The following TMEM268 variants were observed in gnomAD, a reference collection of about 807,000 sequenced individuals.
The protein encoded by TMEM268 is transmembrane protein 268, also known as transmembrane protein C9orf91.
A neutral mutation model predicts 39.1 loss-of-function variants in TMEM268; 24 were observed. The observed-to-expected ratio is 0.61, with a 90% CI of 0.44 to 0.86. TMEM268 has a LOEUF of 0.86. Ranked by LOEUF, TMEM268 falls within the 40% of genes least tolerant of loss-of-function variation. The pLI, the probability that TMEM268 is intolerant of heterozygous loss-of-function variation, is 0.00. For synonymous variants in TMEM268, 176 were observed against 173.5 expected (o/e 1.01, Z -0.12); for missense variants, 409 against 428.6 (o/e 0.95, Z 0.40).
At position 114,638,600 on chromosome 9, in the gene TMEM268, C is replaced by T; in HGVS notation, c.723C>T (p.Ser241=). ...GTGTTGTCATGGAGACTGGGGTGAG[C>T]CCTGCAACAGCGGAGGGGCCTGAGA... is the stretch of plus-strand genomic sequence containing the variant. The part of the protein sequence containing the change: ...QLCVVMETGV[S]PATAEGPENL... The change falls in exon 8 of 9, where the codon AGC becomes AGT. Residue 241 remains serine, a synonymous_variant. Coordinates refer to ENST00000288502, the MANE Select transcript of TMEM268 (RefSeq NM_153045.4). 1.2e-6 allele frequency: 2 copies of T among 1,608,514 alleles called. No individual in the cohort carries two copies. Among genetic ancestry groups the T allele is most frequent in the Admixed American group, 1.7e-5 (1 of 59,090 alleles).
chr9:114,611,056 TAA>T (rs1238004010), upstream of TMEM268: 2 of 152,376 alleles, frequency 1.3e-5, no homozygotes, highest in East Asian at 3.9e-4. Flanking sequence ...CCCCCGACTC[TAA>T]AAACAACGAC....
intron 8 of TMEM268, among the ~76,000 whole-genome samples, chr9:114,640,565 G>T (rs1243246206): frequency 2.0e-5 from 3 of 152,230 alleles, no homozygotes; most frequent in Non-Finnish European, 2.9e-5. Context: ...CAGAAAGGGA[G>T]AGTGCAGTAA....
intron 2 of TMEM268, among the ~76,000 whole-genome samples, chr9:114,622,815 G>T (rs923673821): frequency 1.3e-5 from 2 of 152,180 alleles, no homozygotes; most frequent in African/African-American, 4.8e-5. Context: ...TTTGGGCCAG[G>T]TGCAGTGGCT....
chr9:114,640,211 C>T (rs1401593153), intron 8 of TMEM268, among the ~76,000 whole-genome samples: 1 of 150,818 alleles, frequency 6.6e-6, no homozygotes, highest in East Asian at 2.0e-4. Flanking sequence ...AAATATGGGT[C>T]TTTTAAGTGA....
chr9:114,643,348 T>G lies in TMEM268; in HGVS notation c.*35T>G, dbSNP rs560808699. ...GAAGGTACTCATCTTCCTTCAAGAC[T>G]GAGCAGTCAGGAAGGCTTCAGGAGC... On this transcript the variant is annotated 3_prime_UTR_variant, in exon 9 of 9. Transcript: ENST00000288502. The G allele has an allele frequency of 6.2e-6, 10 of 1,606,282 alleles. No homozygotes were observed. In the South Asian group the frequency reaches 8.8e-5, roughly 14 times the overall value.
upstream of TMEM268, among the ~76,000 whole-genome samples, chr9:114,609,687 C>CAGAAAAAGAAAA (rs71300692): frequency 3.4e-3 from 343 of 101,030 alleles, 4 homozygotes; most frequent in East Asian, 0.019. Context: ...GACCCTGTCT[C>CAGAAAAAGAAAA]AGAAAAAGAA....
intron 2 of TMEM268, among the ~76,000 whole-genome samples, chr9:114,623,098 A>G (rs1846014436): frequency 1.6e-5 from 2 of 127,648 alleles, no homozygotes; most frequent in Non-Finnish European, 1.6e-5. Context: ...TCCAAAAAAC[A>G]ACAACAACAA....
chr9:114,640,223 TATTTTTAG>T (rs1158382491), intron 8 of TMEM268, among the ~76,000 whole-genome samples: 2 of 152,110 alleles, frequency 1.3e-5, no homozygotes, highest in African/African-American at 4.8e-5. Context: ...TTTAAGTGAT[TATTTTTAG>T]ATTTACTCAA....
chr9:114,626,698 A>C (rs1419891262), intron 3 of TMEM268, among the ~76,000 whole-genome samples: 1 of 152,082 alleles, frequency 6.6e-6, no homozygotes, highest in East Asian at 1.9e-4. Context: ...GGCTGTGTGG[A>C]TCCTTCTCCA....
intron 7 of TMEM268, 38 bp downstream of exon 7, chr9:114,637,108 G>A (rs940411778): frequency 1.5e-6 from 2 of 1,362,588 alleles, no homozygotes; most frequent in Non-Finnish European, 2.1e-6. Flanking sequence ...ACAAAAACCA[G>A]GAGGCCAAGT....
intron 2 of TMEM268, among the ~76,000 whole-genome samples, chr9:114,618,153 A>G (rs182065953): frequency 2.0e-5 from 3 of 151,920 alleles, no homozygotes; most frequent in African/African-American, 7.2e-5. Flanking sequence ...CTGGGATTAC[A>G]GGCGTGAGCC....
At position 114,620,169 on chromosome 9, in the gene TMEM268, C is replaced by T. The variant is rs562112410; in HGVS notation, c.106+2868C>T. Among the ~76,000 whole-genome samples, 51 of 152,154 alleles carry T rather than the reference C, an allele frequency of 3.4e-4. 1 individual carries two copies. The East Asian group carries it at 4.1e-3, about 12-fold the overall frequency. On this transcript the variant is annotated intron_variant, in intron 2 of 8. Coordinates refer to ENST00000288502, the MANE Select transcript of TMEM268 (RefSeq NM_153045.4). ...GGCGGAGGTTGCAGTGAGCTGAGAT[C>T]GCACCATTGCACTCCAGCCTTGGTG...
At chr9:114,621,060 G>A (rs1845927641) in intron 2 of TMEM268, among the ~76,000 whole-genome samples, 1 of 152,094 alleles carries the variant, frequency 6.6e-6, no homozygotes, top group African/African-American at 2.4e-5. Context: ...TTTCCTCTCT[G>A]GGTGCAGTGG....
Position 114,627,018 on chromosome 9 carries a change from G to A in TMEM268, c.324+12G>A. ...TGGCCTTTGCTGTGGTAAGGGGGAG[G>A]TGGCCCGCACACTGACCCTGCCCTG... On this transcript the variant is annotated intron_variant, in intron 4 of 8. Coordinates refer to ENST00000288502, the MANE Select transcript of TMEM268 (RefSeq NM_153045.4). 1 of 1,580,570 alleles carries A rather than the reference G, an allele frequency of 6.3e-7. No individual in the cohort carries two copies. The highest frequency in any genetic ancestry group is 8.7e-7 in the Non-Finnish European group (1 of 1,150,338).
chr9:114,615,143 C>T (rs1242257102), intron 1 of TMEM268, among the ~76,000 whole-genome samples: 3 of 151,984 alleles, frequency 2.0e-5, no homozygotes, highest in South Asian at 2.1e-4. Flanking sequence ...GTGATCCGCC[C>T]GCCTCAGCCT....
chr9:114,633,996 T>A (rs1846519786), intron 6 of TMEM268, 118 bp downstream of exon 6: 1 of 521,232 alleles, frequency 1.9e-6, no homozygotes, highest in Admixed American at 3.9e-5. Context: ...GCTAATGAGA[T>A]GGCTGTTGGC....
chr9:114,616,726 G>A (rs1365948143), intron 1 of TMEM268, among the ~76,000 whole-genome samples: 3 of 151,612 alleles, frequency 2.0e-5, no homozygotes, highest in African/African-American at 7.3e-5. Context: ...TTGAAATCCT[G>A]TGTGTAAACA....
intron 6 of TMEM268, among the ~76,000 whole-genome samples, chr9:114,634,477 G>A (rs914780060): frequency 2.0e-5 from 3 of 152,160 alleles, no homozygotes; most frequent in African/African-American, 7.2e-5. Flanking sequence ...CCCGAAGGTT[G>A]GGGGGAGATC....
chr9:114,606,201 G>A, the TMEM268 span, among the ~76,000 whole-genome samples: 1 of 152,094 alleles, frequency 6.6e-6, no homozygotes, highest in South Asian at 2.1e-4. Flanking sequence ...TCTGACCCTG[G>A]CACTTGTCTT....
Sources: allele counts gnomAD v4.1 joint callset (sites outside exome capture counted in the v4.1 genomes callset), GRCh38; gene constraint gnomAD v4.1.1; transcripts MANE v1.5; gene names NCBI Gene and HGNC (gene_info 2026-07-23, HGNC 2026-07-21).